Variants in STAU2 observed in about 807,000 individuals in gnomAD.
STAU2 encodes double-stranded RNA-binding protein Staufen homolog 2.
A neutral mutation model predicts 65.9 loss-of-function variants in STAU2; 20 were observed. The observed-to-expected ratio is 0.30, with a 90% confidence interval of 0.21 to 0.44. STAU2 has a LOEUF of 0.44. Among genes scored for constraint, STAU2 ranks in the 20% least tolerant of loss-of-function variants. STAU2 has a pLI of 1.00. For missense variants in STAU2, 558 were observed against 683.9 expected, an observed-to-expected ratio of 0.82 and a Z score of 2.05; for synonymous variants, 232 against 233.9, an observed-to-expected ratio of 0.99 and a Z score of 0.07.
chr8:73,544,788 G>T (rs1446587074), intron 13 of STAU2, among the ~76,000 whole-genome samples: 1 of 152,060 alleles, frequency 6.6e-6, no homozygotes, highest in East Asian at 1.9e-4. Context: ...ATTATTTCTT[G>T]CACCATGCTA....
At chr8:73,651,178 G>A (rs1328579210) in intron 6 of STAU2, 26 of 1,089,462 alleles carry the variant, frequency 2.4e-5, no homozygotes, top group Non-Finnish European at 3.2e-5. Flanking sequence ...GGGCCCCGAG[G>A]AGCCCCCTCA....
chr8:73,529,901 A>G (rs1015532840), intron 13 of STAU2, among the ~76,000 whole-genome samples: 14 of 152,214 alleles, frequency 9.2e-5, no homozygotes, highest in African/African-American at 2.9e-4. Context: ...ATAAAAAACC[A>G]TATTTTCCAG....
intron 13 of STAU2, among the ~76,000 whole-genome samples, chr8:73,477,268 A>G (rs1365149281): frequency 1.3e-5 from 2 of 152,152 alleles, no homozygotes; most frequent in African/African-American, 2.4e-5. Flanking sequence ...TTGGACAGCA[A>G]GAATTCTAAA....
chr8:73,683,984 C>T (rs1038795046), intron 5 of STAU2, among the ~76,000 whole-genome samples: 1 of 152,122 alleles, frequency 6.6e-6, no homozygotes, highest in African/African-American at 2.4e-5. Context: ...GGAAGCACAT[C>T]CCAAACTCTT....
At chr8:73,568,183 T>C (rs1014674142) in intron 12 of STAU2, among the ~76,000 whole-genome samples, 4 of 152,212 alleles carry the variant, frequency 2.6e-5, no homozygotes, top group Admixed American at 2.6e-4. Context: ...GAAGGAGATT[T>C]TTGTCTTTTC....
chr8:73,684,593 A>G (rs1298547832), intron 5 of STAU2, among the ~76,000 whole-genome samples: 3 of 152,196 alleles, frequency 2.0e-5, no homozygotes, highest in African/African-American at 7.2e-5. Context: ...TGCAACAAAA[A>G]CAAAGATAAA....
intron 13 of STAU2, among the ~76,000 whole-genome samples, chr8:73,490,816 G>A (rs1400959393): frequency 6.6e-6 from 1 of 151,888 alleles, no homozygotes; most frequent in East Asian, 1.9e-4. Flanking sequence ...GATAAATAAT[G>A]CCATGCAAAA....
chr8:73,447,592 T>C (rs1818544062), intron 13 of STAU2, among the ~76,000 whole-genome samples: 1 of 152,234 alleles, frequency 6.6e-6, no homozygotes, highest in Non-Finnish European at 1.5e-5. Context: ...CAAATTGCTT[T>C]CTTAAAAATT....
intron 3 of STAU2, among the ~76,000 whole-genome samples, chr8:73,718,278 T>C (rs1821395339): frequency 6.6e-6 from 1 of 152,226 alleles, no homozygotes; most frequent in Non-Finnish European, 1.5e-5. Flanking sequence ...ATAAAGCTTA[T>C]CTAATGCACA....
chr8:73,474,991 A>T (rs1196544786), intron 13 of STAU2, among the ~76,000 whole-genome samples: 1 of 152,204 alleles, frequency 6.6e-6, no homozygotes, highest in Non-Finnish European at 1.5e-5. Context: ...AAAGAAACAG[A>T]AAACAGATTC....
At chr8:73,478,890 G>A (rs532608315) in intron 13 of STAU2, among the ~76,000 whole-genome samples, 9 of 152,198 alleles carry the variant, frequency 5.9e-5, no homozygotes, top group African/African-American at 1.7e-4. Context: ...TGAAACTGAC[G>A]GATGGCTATA....
intron 13 of STAU2, among the ~76,000 whole-genome samples, chr8:73,436,877 G>A (rs185495669): frequency 2.0e-5 from 3 of 152,156 alleles, no homozygotes; most frequent in East Asian, 3.9e-4. Context: ...GTCAGGCACC[G>A]TGCCTGGTCT....
At chr8:73,580,883 CAG>C (rs1809931603) in intron 12 of STAU2, among the ~76,000 whole-genome samples, 1 of 152,328 alleles carries the variant, frequency 6.6e-6, no homozygotes, top group Admixed American at 6.5e-5. Context: ...GAAGAGATAA[CAG>C]AACATTCTTA....
intron 6 of STAU2, chr8:73,652,670 A>G (rs950539012): frequency 3.3e-5 from 5 of 151,746 alleles, no homozygotes; most frequent in African/African-American, 7.3e-5. Flanking sequence ...AGTTGCAGTG[A>G]GCAGAGATCG....
At chr8:73,487,129 A>T (rs2128913626) in intron 13 of STAU2, among the ~76,000 whole-genome samples, 1 of 152,274 alleles carries the variant, frequency 6.6e-6, no homozygotes, top group African/African-American at 2.4e-5. Flanking sequence ...TCCAAGCACG[A>T]AAGCATTTTC....
At chr8:73,593,641 C>T (rs555697479) in intron 11 of STAU2, among the ~76,000 whole-genome samples, 25 of 152,240 alleles carry the variant, frequency 1.6e-4, no homozygotes, top group African/African-American at 5.8e-4. Flanking sequence ...CTGAGTAAAG[C>T]AGATCACCCT....
intron 13 of STAU2, among the ~76,000 whole-genome samples, chr8:73,479,225 G>T (rs2383909): frequency 1.3e-5 from 2 of 151,886 alleles, no homozygotes; most frequent in Admixed American, 1.3e-4. Flanking sequence ...TAAAAAGTTA[G>T]TAATTCCTTA....
At chr8:73,730,789 T>G (rs1344239290) in intron 3 of STAU2, among the ~76,000 whole-genome samples, 1 of 151,826 alleles carries the variant, frequency 6.6e-6, no homozygotes, top group Non-Finnish European at 1.5e-5. Flanking sequence ...TTGCTGAATG[T>G]TCTGTATATG....
chr8:73,633,082 T>C (rs1814221354), intron 6 of STAU2, among the ~76,000 whole-genome samples: 3 of 152,206 alleles, frequency 2.0e-5, no homozygotes, highest in Admixed American at 6.5e-5. Flanking sequence ...GCATGATACC[T>C]AGCACTTAAA....
Sources: gnomAD v4.1 joint callset for allele counts (sites outside exome capture counted in the v4.1 genomes callset) on GRCh38, gnomAD v4.1.1 for gene constraint, MANE v1.5 for transcripts, NCBI Gene and HGNC (gene_info 2026-07-23, HGNC 2026-07-21) for gene names.